EPB41L5: variants seen among roughly 807,000 people sequenced by gnomAD.
The protein encoded by EPB41L5 is band 4.1-like protein 5.
Under a neutral mutation model 106.6 loss-of-function variants are expected in EPB41L5, and 55 were observed. The ratio of observed to expected loss-of-function variants is 0.52; its 90% CI spans 0.42 to 0.65. The LOEUF is 0.65. EPB41L5 is among the 30% of genes least tolerant of loss of function. The pLI is 0.00. For missense variants in EPB41L5, 871 were observed against 882.1 expected, an observed-to-expected ratio of 0.99 and a Z score of 0.16; for synonymous variants, 297 against 306.7, an observed-to-expected ratio of 0.97 and a Z score of 0.33.
At chr2:120,082,420 C>G (rs1682738467) in intron 10 of EPB41L5, among the ~76,000 whole-genome samples, 1 of 152,064 alleles carries the variant, frequency 6.6e-6, no homozygotes, top group Non-Finnish European at 1.5e-5. Flanking sequence ...TATTGATTGG[C>G]ATATGTTGAA....
intron 16 of EPB41L5, among the ~76,000 whole-genome samples, chr2:120,114,906 A>G (rs1306097051): frequency 1.3e-5 from 2 of 152,192 alleles, no homozygotes; most frequent in Non-Finnish European, 2.9e-5. Flanking sequence ...GTCTATCTCT[A>G]AACTTCTGAT....
At chr2:120,044,756 T>G (rs1177319190) in intron 3 of EPB41L5, among the ~76,000 whole-genome samples, 8 of 152,194 alleles carry the variant, frequency 5.3e-5, no homozygotes, top group Admixed American at 5.2e-4. Context: ...AAAGCCAGGA[T>G]TAGAATATTT....
intron 16 of EPB41L5, chr2:120,103,953 A>G (rs2105406775): frequency 8.1e-7 from 1 of 1,230,156 alleles, no homozygotes; most frequent in South Asian, 2.0e-5. Flanking sequence ...TCATAGCAGC[A>G]GTGCATGCTA....
chr2:120,146,329 T>C, intron 20 of EPB41L5, 40 bp downstream of exon 20: 1 of 1,434,310 alleles, frequency 7.0e-7, no homozygotes, highest in Non-Finnish European at 9.7e-7. Context: ...GATGTTCTTA[T>C]CTATCTTTGT....
rs576197061 is a variant in EPB41L5, at chr2:120,054,225, G to T, written c.285+12115G>T. Among the ~76,000 whole-genome samples the T allele has an allele frequency of 1.9e-3, 285 of 152,286 alleles. 2 individuals carry two copies. The South Asian group carries it at 0.027, about 14-fold the overall frequency. ...TCTTCTTTGGAGAAATGTCTATTCA[G>T]ATCCTTTGCCTGATTTTTTAAAGTG... On this transcript the variant is annotated intron_variant, in intron 3 of 24. Coordinates refer to ENST00000263713, the MANE Select transcript of EPB41L5 (RefSeq NM_020909.4).
intron 3 of EPB41L5, among the ~76,000 whole-genome samples, chr2:120,054,031 T>C (rs1680462382): frequency 6.6e-6 from 1 of 152,224 alleles, no homozygotes; most frequent in Admixed American, 6.5e-5. Context: ...ACCAGCAGTG[T>C]ATGAGGATTC....
chr2:120,131,559 C>A, intron 17 of EPB41L5, 59 bp from the exon 18 acceptor site: 3 of 1,202,452 alleles, frequency 2.5e-6, no homozygotes, highest in Non-Finnish European at 2.5e-6. Context: ...TACCCTCACA[C>A]AGCTAGCTGT....
chr2:120,069,159 A>AAAAAAAAAAAAAAAAAC (rs1681679421), intron 3 of EPB41L5, among the ~76,000 whole-genome samples: 1 of 143,304 alleles, frequency 7.0e-6, no homozygotes, highest in African/African-American at 2.6e-5. Flanking sequence ...AAAAAAAAAA[A>AAAAAAAAAAAAAAAAAC]AAAAAAAAGC....
At chr2:120,016,109 T>C (rs781221741) in intron 1 of EPB41L5, among the ~76,000 whole-genome samples, 12 of 152,052 alleles carry the variant, frequency 7.9e-5, no homozygotes, top group Non-Finnish European at 1.3e-4. Flanking sequence ...GAAATAGAAC[T>C]GTTGAGTAAG....
Position 120,100,730 on chromosome 2 carries a change from G to A in EPB41L5, c.1253G>A (p.Ser418Asn). ...GGGATGAGATCTGCTCTGCCTGTGA[G>A]TCCTTCCATTTCCTCTGCTCCTGTG... Reference protein sequence around the residue: ...AWGMRSALPVSPSISSAPVPV... With the variant: ...AWGMRSALPVNPSISSAPVPV... The change falls in exon 16 of 25, where the codon AGT (serine) becomes AAT (asparagine). Residue 418 changes from serine (S) to asparagine (N), a missense_variant. Ser to Asn is a conservative substitution (Grantham distance 46, BLOSUM62 1). Transcript: ENST00000263713. 6.2e-7 allele frequency: 1 copy of A among 1,613,942 alleles called. No individual in the cohort carries two copies. The highest frequency in any genetic ancestry group is 1.7e-5 in the Admixed American group (1 of 60,008).
chr2:120,175,112 G>C lies in EPB41L5; in HGVS notation c.*205G>C, dbSNP rs1687876048. ...ACACTGCATAGCTGCCCAAAAGAGA[G>C]TGTTTGGTCTTGAACTTTCTATACT... On this transcript the variant is annotated 3_prime_UTR_variant, in exon 25 of 25. Coordinates refer to ENST00000263713, the MANE Select transcript of EPB41L5 (RefSeq NM_020909.4). 6 of 569,652 alleles carry C rather than the reference G, an allele frequency of 1.1e-5. No homozygotes were observed. Among genetic ancestry groups the C allele is most frequent in the Non-Finnish European group, 1.9e-5 (6 of 314,790 alleles). The allele number at this position is 569,652 out of a possible 1,614,324, so 35.3% of individuals were successfully genotyped here. A position where few individuals can be genotyped will look rare whatever the true frequency, so the allele number is the denominator to read the frequency against.
intron 2 of EPB41L5, among the ~76,000 whole-genome samples, chr2:120,030,954 G>GC (rs1678665760): frequency 6.8e-6 from 1 of 147,734 alleles, no homozygotes; most frequent in Admixed American, 6.7e-5. Context: ...TTGGCTCACT[G>GC]CAGCCTCTGC....
chr2:120,018,411 C>G (rs1410568672), intron 1 of EPB41L5, among the ~76,000 whole-genome samples: 5 of 152,096 alleles, frequency 3.3e-5, no homozygotes, highest in African/African-American at 1.2e-4. Flanking sequence ...CAAATCAGTT[C>G]CTGATAAAAT....
At chr2:120,136,614 A>G (rs1024822420) in intron 18 of EPB41L5, among the ~76,000 whole-genome samples, 7 of 152,066 alleles carry the variant, frequency 4.6e-5, no homozygotes, top group African/African-American at 1.4e-4. Flanking sequence ...TTTATATTAG[A>G]TAAAACTGAT....
rs199753897 is a variant in EPB41L5 at position 120,167,973 on chromosome 2, C to T, written c.2101C>T (p.Pro701Ser). The change falls in exon 24 of 25, where the codon CCC becomes TCC. Residue 701 changes from proline to serine, a missense_variant. By Grantham distance (74) the Pro-to-Ser change is moderately conservative. Transcript: ENST00000263713. ...GNKDGISLIS[P>S]PAPFLVDAVT... ...TAAAGATGGAATCTCACTGATCTCT[C>T]CCCCAGCGCCATTCTTGGTAGATGC... is the stretch of plus-strand genomic sequence containing the variant. 43 of 1,613,880 alleles carry T rather than the reference C, an allele frequency of 2.7e-5. No homozygotes were observed. The Middle Eastern group carries it at 4.9e-4, about 19-fold the overall frequency.
chr2:120,165,929 T>C (rs997117621), intron 22 of EPB41L5, among the ~76,000 whole-genome samples: 9 of 137,194 alleles, frequency 6.6e-5, no homozygotes, highest in African/African-American at 2.0e-4. Flanking sequence ...GATAGCACCA[T>C]TGCACTCCAG....
At chr2:120,038,413 A>G (rs889114813) in intron 2 of EPB41L5, among the ~76,000 whole-genome samples, 4 of 152,246 alleles carry the variant, frequency 2.6e-5, no homozygotes, top group East Asian at 1.9e-4. Context: ...TGGAATTGTT[A>G]TACACTTTCA....
intron 20 of EPB41L5, among the ~76,000 whole-genome samples, chr2:120,157,327 C>T (rs916677321): frequency 6.6e-6 from 1 of 151,700 alleles, no homozygotes; most frequent in African/African-American, 2.4e-5. Flanking sequence ...ATGCCCACAT[C>T]AAAAAGTTAG....
chr2:120,015,770 CCT>C (rs1677473176), intron 1 of EPB41L5, among the ~76,000 whole-genome samples: 1 of 151,780 alleles, frequency 6.6e-6, no homozygotes. Flanking sequence ...GTAGCAAGAC[CCT>C]GTCTCTACAA....
Sources: allele counts gnomAD v4.1 joint callset (sites outside exome capture counted in the v4.1 genomes callset), GRCh38; gene constraint gnomAD v4.1.1; transcripts MANE v1.5; gene names NCBI Gene and HGNC (gene_info 2026-07-23, HGNC 2026-07-21).